ZCCHC4: variants seen among roughly 807,000 people sequenced by gnomAD.
ZCCHC4 encodes rRNA N(6)-adenosine-methyltransferase ZCCHC4.
In ZCCHC4, 54 loss-of-function variants were observed where a neutral mutation model predicts 67.7. The ratio of observed to expected loss-of-function variants is 0.80; its 90% CI spans 0.64 to 1.00. ZCCHC4 has a LOEUF of 1.00. Ranked by LOEUF, ZCCHC4 falls within the 50% of genes least tolerant of loss-of-function variation. ZCCHC4 has a pLI of 0.00. For synonymous variants in ZCCHC4, 198 were observed against 213.5 expected (o/e 0.93, Z 0.63); for missense variants, 609 against 617.0 (o/e 0.99, Z 0.14).
intron 5 of ZCCHC4, among the ~76,000 whole-genome samples, chr4:25,334,244 T>C (rs1248179886): frequency 4.6e-5 from 7 of 152,254 alleles, no homozygotes; most frequent in Non-Finnish European, 5.9e-5. Flanking sequence ...CTTTGGCTTA[T>C]AATCTACAGA....
At chr4:25,330,504 C>A (rs988260933) in intron 3 of ZCCHC4, among the ~76,000 whole-genome samples, 1 of 152,226 alleles carries the variant, frequency 6.6e-6, no homozygotes, top group Non-Finnish European at 1.5e-5. Flanking sequence ...GTAGCCAACT[C>A]TGGCCATGCC....
chr4:25,328,728 C>T (rs1719022369), intron 3 of ZCCHC4, among the ~76,000 whole-genome samples: 1 of 151,934 alleles, frequency 6.6e-6, no homozygotes, highest in Non-Finnish European at 1.5e-5. Context: ...ACTACAGGCA[C>T]TTGCCACCAC....
At position 25,328,442 on chromosome 4, in the gene ZCCHC4, A is replaced by G. The variant is rs201677125; in HGVS notation, c.330-4741A>G. ...TTTCGTAGAGATGGGGTTTTGCCATATTGGCCAGGCTGGTCTCGAACTCCT... is the reference window on the plus strand; with the variant it reads ...TTTCGTAGAGATGGGGTTTTGCCATGTTGGCCAGGCTGGTCTCGAACTCCT... On this transcript the variant is annotated intron_variant, in intron 3 of 12. Coordinates refer to ENST00000302874, the MANE Select transcript of ZCCHC4 (RefSeq NM_024936.3). Among the ~76,000 whole-genome samples the G allele has an allele frequency of 7.9e-5, 12 of 152,010 alleles. No individual in the cohort carries two copies. In the East Asian group the frequency reaches 2.1e-3, roughly 27 times the overall value.
chr4:25,355,097 T>C (rs564209030), intron 8 of ZCCHC4, among the ~76,000 whole-genome samples: 2 of 152,240 alleles, frequency 1.3e-5, no homozygotes, highest in Admixed American at 1.3e-4. Context: ...ACTTGATGAA[T>C]ACAGAATAAA....
intron 3 of ZCCHC4, among the ~76,000 whole-genome samples, chr4:25,327,422 CTCCT>C (rs1353123945): frequency 8.7e-5 from 12 of 137,366 alleles, no homozygotes; most frequent in African/African-American, 3.2e-4. Context: ...CCCTCCTTCC[CTCCT>C]TCCCTCCTTC....
chr4:25,325,377 C>T (rs1189466171), intron 3 of ZCCHC4, among the ~76,000 whole-genome samples: 2 of 141,548 alleles, frequency 1.4e-5, no homozygotes, highest in Non-Finnish European at 3.0e-5. Flanking sequence ...AAGTGATTCT[C>T]GTGCCTCAGC....
chr4:25,339,085 C>T (rs1332294437), intron 5 of ZCCHC4, among the ~76,000 whole-genome samples: 1 of 152,164 alleles, frequency 6.6e-6, no homozygotes, highest in African/African-American at 2.4e-5. Flanking sequence ...CTCATAAGTT[C>T]TTCTCTTTGT....
chr4:25,356,338 G>T (rs907365792), intron 8 of ZCCHC4, among the ~76,000 whole-genome samples: 5 of 152,138 alleles, frequency 3.3e-5, no homozygotes, highest in Non-Finnish European at 5.9e-5. Flanking sequence ...AGGTTTATTT[G>T]TGTGGCTGAA....
chr4:25,357,760 G>T (rs568288650), intron 8 of ZCCHC4, among the ~76,000 whole-genome samples: 7 of 152,302 alleles, frequency 4.6e-5, no homozygotes, highest in African/African-American at 1.7e-4. Flanking sequence ...AGGCTTACCT[G>T]TACTGACCTC....
intron 3 of ZCCHC4, among the ~76,000 whole-genome samples, chr4:25,316,094 C>G (rs1464974568): frequency 6.6e-6 from 1 of 152,126 alleles, no homozygotes; most frequent in Non-Finnish European, 1.5e-5. Context: ...CCTTTTGGGT[C>G]TGGCTTATTT....
intron 10 of ZCCHC4, among the ~76,000 whole-genome samples, chr4:25,364,030 TAATC>T (rs1222522775): frequency 1.3e-5 from 2 of 152,276 alleles, no homozygotes; most frequent in Non-Finnish European, 2.9e-5. Context: ...GTTTTAAAAT[TAATC>T]AAACAGTAAC....
chr4:25,354,681 A>G (rs1222242604), intron 8 of ZCCHC4, among the ~76,000 whole-genome samples: 1 of 151,832 alleles, frequency 6.6e-6, no homozygotes, highest in African/African-American at 2.4e-5. Context: ...TTTTTTAAAT[A>G]GTGATGGGAT....
At chr4:25,362,325 T>C (rs1720776165) in intron 10 of ZCCHC4, 24 bp downstream of exon 10, 1 of 1,478,166 alleles carries the variant, frequency 6.8e-7, no homozygotes, top group Admixed American at 2.0e-5. Flanking sequence ...ATAGAATGTA[T>C]TTTTATTTAG....
intron 3 of ZCCHC4, among the ~76,000 whole-genome samples, chr4:25,322,684 A>G (rs1718646045): frequency 6.6e-6 from 1 of 151,838 alleles, no homozygotes; most frequent in Admixed American, 6.6e-5. Context: ...TGCCTGGCTA[A>G]TTTTTGTATT....
rs749554464 is a variant in ZCCHC4 at position 25,361,932 on chromosome 4, C to T, written c.1085C>T (p.Thr362Ile). The T allele has an allele frequency of 1.9e-6, 3 of 1,613,992 alleles. No homozygotes were observed. The highest frequency in any genetic ancestry group is 2.5e-6 in the Non-Finnish European group (3 of 1,179,954). Residue 362 changes from threonine to isoleucine, a missense_variant, in exon 9 of 13, where the codon ACC becomes ATC. Thr to Ile is a moderately conservative substitution (Grantham distance 89, BLOSUM62 -1). Transcript: ENST00000302874. ...GRKQSPVRIF[T>I]NIPPNKIILP... Reference sequence around the variant, plus strand: ...AAACAGTCTCCCGTGCGTATTTTCACCAACATTCCGCCCAACAAAATAATC... The same window carrying T: ...AAACAGTCTCCCGTGCGTATTTTCATCAACATTCCGCCCAACAAAATAATC...
At chr4:25,363,920 G>C (rs1006855978) in intron 10 of ZCCHC4, among the ~76,000 whole-genome samples, 10 of 152,074 alleles carry the variant, frequency 6.6e-5, no homozygotes, top group African/African-American at 1.9e-4. Context: ...AGGGCTGGTG[G>C]TATTTTTTCT....
chr4:25,313,600 G>A (rs1718073377), intron 1 of ZCCHC4, among the ~76,000 whole-genome samples: 1 of 152,236 alleles, frequency 6.6e-6, no homozygotes, highest in Admixed American at 6.5e-5. Flanking sequence ...AGAGAAGCCG[G>A]CGTGGTGGCG....
At chr4:25,341,007 C>T (rs1028047855) in intron 5 of ZCCHC4, among the ~76,000 whole-genome samples, 6 of 151,892 alleles carry the variant, frequency 4.0e-5, no homozygotes, top group African/African-American at 1.2e-4. Flanking sequence ...ATCGTCTCTT[C>T]CTTATGATTT....
rs768767978 is a variant in ZCCHC4 at position 25,361,948 on chromosome 4, C to T, written c.1101C>T (p.Asn367=). 1.2e-6 allele frequency: 2 copies of T among 1,614,004 alleles called. No homozygotes were observed. Among genetic ancestry groups the T allele is most frequent in the Non-Finnish European group, 8.5e-7 (1 of 1,179,970 alleles). ...GTATTTTCACCAACATTCCGCCCAA[C>T]AAAATAATCCTTCCTACTGAAGAAG... ...PVRIFTNIPP[N]KIILPTEEGY... is the part of the protein sequence containing the mutation. Residue 367 remains asparagine, a synonymous_variant, in exon 9 of 13, where the codon AAC becomes AAT. Coordinates refer to ENST00000302874, the MANE Select transcript of ZCCHC4 (RefSeq NM_024936.3).
Sources: allele counts gnomAD v4.1 joint callset (sites outside exome capture counted in the v4.1 genomes callset), GRCh38; gene constraint gnomAD v4.1.1; transcripts MANE v1.5; gene names NCBI Gene and HGNC (gene_info 2026-07-23, HGNC 2026-07-21).